HIP1: variants seen among roughly 807,000 people sequenced by gnomAD.
HIP1 encodes the protein huntingtin interacting protein 1, also known as huntingtin-interacting protein 1.
In HIP1, 65 loss-of-function variants were observed where a neutral mutation model predicts 147.6. The ratio of observed to expected loss-of-function variants is 0.44; its 90% CI spans 0.36 to 0.54. The LOEUF (loss-of-function observed/expected upper bound fraction) is 0.54, where lower values mean the gene tolerates loss of function less well. Ranked by LOEUF, HIP1 falls within the 20% of genes least tolerant of loss-of-function variation. HIP1 has a pLI of 0.00. For missense variants in HIP1, 1,061 were observed against 1,299.6 expected (o/e 0.82, Z 2.82); for synonymous variants, 479 against 504.0 (o/e 0.95, Z 0.67).
intron 1 of HIP1, among the ~76,000 whole-genome samples, chr7:75,616,613 G>C (rs1387971423): frequency 1.0e-5 from 1 of 97,748 alleles, no homozygotes; most frequent in Non-Finnish European, 2.9e-5. Context: ...GGAGGAGGAG[G>C]AAGAGGAGGA....
At chr7:75,546,877 T>C (rs989767169) in intron 25 of HIP1, 62 bp downstream of exon 25, 29 of 1,168,234 alleles carry the variant, frequency 2.5e-5, no homozygotes, top group African/African-American at 9.1e-5. Context: ...ACAGAGTCCG[T>C]TGGAGCGGGA....
intron 1 of HIP1, among the ~76,000 whole-genome samples, chr7:75,727,319 C>T (rs1458338308): frequency 4.0e-5 from 6 of 151,602 alleles, no homozygotes; most frequent in African/African-American, 1.5e-4. Context: ...TGGTCTCGAA[C>T]TTCTGGGCTC....
At chr7:75,558,736 G>C (rs1554493925) in intron 14 of HIP1, among the ~76,000 whole-genome samples, 3 of 152,156 alleles carry the variant, frequency 2.0e-5, no homozygotes, top group Non-Finnish European at 4.4e-5. Context: ...ATCAAGCCAG[G>C]GGCCAAGCGA....
intron 1 of HIP1, among the ~76,000 whole-genome samples, chr7:75,663,421 A>G (rs1799379270): frequency 6.6e-6 from 1 of 152,088 alleles, no homozygotes. Flanking sequence ...CTATGATTGC[A>G]CCACTGCACT....
At chr7:75,704,208 C>G (rs538554098) in intron 1 of HIP1, among the ~76,000 whole-genome samples, 2 of 152,218 alleles carry the variant, frequency 1.3e-5, no homozygotes, top group East Asian at 3.9e-4. Context: ...AGTGGTAGTT[C>G]TTACATAACA....
At chr7:75,573,209 C>G (rs1296073256) in intron 8 of HIP1, among the ~76,000 whole-genome samples, 1 of 152,176 alleles carries the variant, frequency 6.6e-6, no homozygotes, top group African/African-American at 2.4e-5. Context: ...CGACCAGCTA[C>G]AGAGAGGAGC....
chr7:75,734,154 G>A (rs1453893574), intron 1 of HIP1, among the ~76,000 whole-genome samples: 1 of 151,976 alleles, frequency 6.6e-6, no homozygotes, highest in East Asian at 1.9e-4. Context: ...GCCGAGGCAG[G>A]AGAATCACTT....
chr7:75,733,189 C>G (rs1554523260), intron 1 of HIP1, among the ~76,000 whole-genome samples: 1 of 152,154 alleles, frequency 6.6e-6, no homozygotes, highest in Non-Finnish European at 1.5e-5. Context: ...GGGCCTGACA[C>G]TTGGAACCTG....
At chr7:75,560,259 G>C (rs1795179607) in intron 13 of HIP1, among the ~76,000 whole-genome samples, 1 of 151,804 alleles carries the variant, frequency 6.6e-6, no homozygotes, top group Non-Finnish European at 1.5e-5. Flanking sequence ...TTGGCGGTTG[G>C]GGGAGGGGAG....
chr7:75,534,539 T>C lies in HIP1; in HGVS notation c.*3633A>G, dbSNP rs1794012769. Reference sequence around the variant, plus strand: ...ACCTCTGTCCCCCGGGTTCAAGTGATTCTCCTGCCTCAGCCTCCCCAGTAG... The same window carrying C: ...ACCTCTGTCCCCCGGGTTCAAGTGACTCTCCTGCCTCAGCCTCCCCAGTAG... On this transcript the variant is annotated 3_prime_UTR_variant, in exon 31 of 31. Coordinates refer to ENST00000336926, the MANE Select transcript of HIP1 (RefSeq NM_005338.7). The C allele has an allele frequency of 5.7e-6, 1 of 176,900 alleles. No individual in the cohort carries two copies. The highest frequency in any genetic ancestry group is 9.6e-5 in the East Asian group (1 of 10,368). The allele number at this position is 176,900 out of a possible 1,614,324, so 11.0% of individuals were successfully genotyped here. A position where few individuals can be genotyped will look rare whatever the true frequency, so the allele number is the denominator to read the frequency against.
intron 1 of HIP1, among the ~76,000 whole-genome samples, chr7:75,724,108 C>A (rs1801583917): frequency 6.6e-6 from 1 of 151,996 alleles, no homozygotes; most frequent in Admixed American, 6.6e-5. Flanking sequence ...AGTTGTGAGC[C>A]ACCACACCCA....
intron 1 of HIP1, among the ~76,000 whole-genome samples, chr7:75,603,004 TA>T (rs1797065226): frequency 6.6e-6 from 1 of 151,782 alleles, no homozygotes; most frequent in African/African-American, 2.4e-5. Context: ...GTGATGAGTC[TA>T]CAAGCCAAGG....
At chr7:75,561,217 G>T in intron 13 of HIP1, 112 bp downstream of exon 13, 2 of 851,374 alleles carry the variant, frequency 2.3e-6, no homozygotes, top group Non-Finnish European at 4.1e-6. Flanking sequence ...GCCTCCCAAA[G>T]TGCTAGGATT....
At chr7:75,643,995 G>C (rs1420587580) in intron 1 of HIP1, among the ~76,000 whole-genome samples, 1 of 151,512 alleles carries the variant, frequency 6.6e-6, no homozygotes, top group Non-Finnish European at 1.5e-5. Context: ...GTAAGACTCT[G>C]TCTCAAACAA....
At chr7:75,732,627 C>T (rs1327476234) in intron 1 of HIP1, among the ~76,000 whole-genome samples, 6 of 152,150 alleles carry the variant, frequency 3.9e-5, no homozygotes, top group Admixed American at 2.6e-4. Flanking sequence ...GCCATCCTCC[C>T]GCCTCAGCCT....
Position 75,559,786 on chromosome 7 carries a change from T to G in HIP1, c.1321A>C (p.Arg441=). The change falls in exon 14 of 31, where the codon AGG becomes CGG. Residue 441 remains arginine (R), a synonymous_variant. Coordinates refer to ENST00000336926, the MANE Select transcript of HIP1 (RefSeq NM_005338.7). ...EFLRAELDEL[R]RQREDTEKAQ... ...TTCTCGGTGTCCTCCCGCTGCCTCC[T>G]GAGCTCGTCCAGTTCTGCCCGCAGG... 6.6e-7 allele frequency: 1 copy of G among 1,523,460 alleles called. No individual in the cohort carries two copies. The allele number at this position is 1,523,460 out of a possible 1,614,324, so 94.4% of individuals were successfully genotyped here.
Position 75,538,160 on chromosome 7 carries a change from G to T in HIP1, c.*12C>A, listed in dbSNP as rs1554489146. The T allele has an allele frequency of 2.5e-6, 4 of 1,604,976 alleles. No homozygotes were observed. The highest frequency in any genetic ancestry group is 2.2e-5 in the South Asian group (2 of 90,880). Reference sequence around the variant, plus strand: ...AAGGATTTACACTGACATATGGGGTGTTGGTTTGGCTCTATTCTTTTTCGG... The same window carrying T: ...AAGGATTTACACTGACATATGGGGTTTTGGTTTGGCTCTATTCTTTTTCGG... On this transcript the variant is annotated 3_prime_UTR_variant, in exon 31 of 31. Transcript: ENST00000336926.
chr7:75,555,691 G>C (rs1794974526), intron 18 of HIP1, 140 bp from the exon 19 acceptor site: 1 of 938,640 alleles, frequency 1.1e-6, no homozygotes, highest in African/African-American at 1.7e-5. Flanking sequence ...GACAGAGAAA[G>C]GCGCTTTAAC....
chr7:75,713,293 C>T (rs1801212543), intron 1 of HIP1, among the ~76,000 whole-genome samples: 1 of 152,138 alleles, frequency 6.6e-6, no homozygotes, highest in Admixed American at 6.6e-5. Flanking sequence ...GTTCAAGATC[C>T]CATATTATGG....
Sources: gnomAD v4.1 joint callset for allele counts (sites outside exome capture counted in the v4.1 genomes callset) on GRCh38, gnomAD v4.1.1 for gene constraint, MANE v1.5 for transcripts, NCBI Gene and HGNC (gene_info 2026-07-23, HGNC 2026-07-21) for gene names.